Variants in FRMD3 observed in about 807,000 individuals in gnomAD.
FRMD3 encodes FERM domain-containing protein 3.
In FRMD3, 33 loss-of-function variants were observed where a neutral mutation model predicts 70.2. The ratio of observed to expected loss-of-function variants is 0.47; its 90% CI spans 0.36 to 0.63. The LOEUF is 0.63. Ranked by LOEUF, FRMD3 falls within the 20% of genes least tolerant of loss-of-function variation. The probability of loss-of-function intolerance (pLI) is 0.00; values close to 1 mark genes in which losing one functional copy is unlikely to be tolerated. For synonymous variants in FRMD3, 279 were observed against 255.9 expected, an observed-to-expected ratio of 1.09 and a Z score of -0.86; for missense variants, 632 against 711.4, an observed-to-expected ratio of 0.89 and a Z score of 1.27.
intron 1 of FRMD3, among the ~76,000 whole-genome samples, chr9:83,474,503 T>A (rs1828347424): frequency 6.6e-6 from 1 of 152,084 alleles, no homozygotes; most frequent in Admixed American, 6.6e-5. Flanking sequence ...CAAACAATGA[T>A]CTCTCACCTG....
chr9:83,337,148 T>C (rs3860900), intron 5 of FRMD3, among the ~76,000 whole-genome samples: 144,757 of 152,252 alleles, frequency 0.95, 68,880 homozygotes, highest in East Asian at 1. Flanking sequence ...ACAGCCCCTA[T>C]AATAACCTGT....
intron 1 of FRMD3, among the ~76,000 whole-genome samples, chr9:83,421,967 G>C (rs1240141270): frequency 6.6e-6 from 1 of 152,206 alleles, no homozygotes; most frequent in Non-Finnish European, 1.5e-5. Flanking sequence ...GCTCACGCCT[G>C]TAATCCCAGC....
At chr9:83,526,796 T>A (rs1164131007) in intron 1 of FRMD3, among the ~76,000 whole-genome samples, 1 of 152,236 alleles carries the variant, frequency 6.6e-6, no homozygotes, top group South Asian at 2.1e-4. Flanking sequence ...AGATTGATGA[T>A]GTTTCAAACA....
intron 2 of FRMD3, among the ~76,000 whole-genome samples, chr9:83,382,451 G>A (rs1180697994): frequency 5.3e-5 from 8 of 152,270 alleles, no homozygotes; most frequent in African/African-American, 1.9e-4. Flanking sequence ...TGCATAAGTA[G>A]TATTAGTATC....
At chr9:83,555,231 A>C in the FRMD3 span, among the ~76,000 whole-genome samples, 2 of 151,950 alleles carry the variant, frequency 1.3e-5, no homozygotes, top group Admixed American at 1.3e-4. Context: ...TAAGTCACTC[A>C]AACAGCAAAG....
chr9:83,250,869 T>C (rs1832379235), intron 13 of FRMD3, among the ~76,000 whole-genome samples: 1 of 152,194 alleles, frequency 6.6e-6, no homozygotes, highest in Non-Finnish European at 1.5e-5. Flanking sequence ...CTCCCTGAGA[T>C]GGAGCTCCCA....
In FRMD3 at chr9:83,537,948, A is replaced by G; in HGVS notation, c.147+137T>C. The G allele has an allele frequency of 1.0e-6, 1 of 963,742 alleles. No homozygotes were observed. Among genetic ancestry groups the G allele is most frequent in the Non-Finnish European group, 1.5e-6 (1 of 656,514 alleles). 59.7% of individuals were successfully genotyped at this position (963,742 alleles called of 1,614,324 possible). A position where few individuals can be genotyped will look rare whatever the true frequency, so the allele number is the denominator to read the frequency against. On this transcript the variant is annotated intron_variant, in intron 1 of 13. Coordinates refer to ENST00000304195, the MANE Select transcript of FRMD3 (RefSeq NM_174938.6). This position sits in a 1 kb window ranked among gnomAD's most constrained non-coding sequence, Gnocchi z 4.1. ...AAGGCCCCCCACCCTCAGAGGCCTG[A>G]GGAATCGAAATCTGGCTTTCTAGCA... is the stretch of plus-strand genomic sequence containing the variant.
At chr9:83,515,555 A>G (rs1025567531) in intron 1 of FRMD3, among the ~76,000 whole-genome samples, 1 of 152,258 alleles carries the variant, frequency 6.6e-6, no homozygotes, top group African/African-American at 2.4e-5. Context: ...TCAGGATATT[A>G]TCCAGGAGAA....
chr9:83,243,013 T>G (rs1288846868), downstream of FRMD3: 4 of 612,412 alleles, frequency 6.5e-6, no homozygotes, highest in East Asian at 1.1e-4. Flanking sequence ...GCAGCTTTAT[T>G]AATGGATTGG....
rs780418070 is a variant in FRMD3 at position 83,389,716 on chromosome 9, G to A, written c.148-8C>T. The A allele has an allele frequency of 1.8e-5, 29 of 1,602,382 alleles. No individual in the cohort carries two copies. ...CTGCCCTTTGGTTTCCCTCTGCAAAGGAAGCACATTTAAGTCTCAGCCAGA... is the reference window on the plus strand; with the variant it reads ...CTGCCCTTTGGTTTCCCTCTGCAAAAGAAGCACATTTAAGTCTCAGCCAGA... On this transcript the variant is annotated splice_polypyrimidine_tract_variant and splice_region_variant and intron_variant, in intron 1 of 13. Coordinates refer to ENST00000304195, the MANE Select transcript of FRMD3 (RefSeq NM_174938.6).
intron 1 of FRMD3, among the ~76,000 whole-genome samples, chr9:83,427,986 T>A (rs1485036311): frequency 1.3e-5 from 2 of 152,204 alleles, no homozygotes; most frequent in African/African-American, 2.4e-5. Flanking sequence ...AAACAACTTG[T>A]CATTACCTAG....
At chr9:83,453,045 G>A (rs557344381) in intron 1 of FRMD3, among the ~76,000 whole-genome samples, 3 of 151,564 alleles carry the variant, frequency 2.0e-5, no homozygotes, top group Admixed American at 6.6e-5. Context: ...TAGTAGACAC[G>A]GGGTTTCGCC....
At chr9:83,252,215 T>C (rs1367216368) in intron 13 of FRMD3, among the ~76,000 whole-genome samples, 2 of 150,114 alleles carry the variant, frequency 1.3e-5, no homozygotes, top group African/African-American at 5.1e-5. Context: ...GGGGCCAATA[T>C]TCAACATTCT....
At chr9:83,442,377 C>A (rs954322868) in intron 1 of FRMD3, among the ~76,000 whole-genome samples, 15 of 151,534 alleles carry the variant, frequency 9.9e-5, no homozygotes, top group Non-Finnish European at 1.9e-4. Context: ...CCTGCCTCAG[C>A]CTCCCAAGTA....
intron 1 of FRMD3, chr9:83,467,491 A>G (rs192677243): frequency 2.7e-6 from 2 of 733,308 alleles, no homozygotes; most frequent in Admixed American, 4.2e-5. Context: ...ACCCTCCCGA[A>G]TTTCACATCC....
At chr9:83,293,655 C>T (rs185804745) in intron 12 of FRMD3, among the ~76,000 whole-genome samples, 24 of 152,312 alleles carry the variant, frequency 1.6e-4, no homozygotes, top group African/African-American at 5.1e-4. Flanking sequence ...AGGCTGATAT[C>T]CCAGGTATGA....
At chr9:83,426,668 A>C (rs1037809554) in intron 1 of FRMD3, among the ~76,000 whole-genome samples, 3 of 152,232 alleles carry the variant, frequency 2.0e-5, no homozygotes, top group African/African-American at 7.2e-5. Context: ...CAGAAGCAAA[A>C]TGACCGGTGT....
intron 12 of FRMD3, among the ~76,000 whole-genome samples, chr9:83,291,873 A>C (rs908220418): frequency 1.3e-5 from 2 of 152,094 alleles, no homozygotes; most frequent in African/African-American, 4.8e-5. Context: ...TTCTAGCCTG[A>C]GTGTTTCTGT....
At chr9:83,520,970 C>CAAAAAAAAAA (rs144061788) in intron 1 of FRMD3, among the ~76,000 whole-genome samples, 429 of 54,848 alleles carry the variant, frequency 7.8e-3, no homozygotes, top group Middle Eastern at 0.016. Context: ...ACTAAAAATA[C>CAAAAAAAAAA]AAAAAAAAAA....
Sources: allele counts gnomAD v4.1 joint callset (sites outside exome capture counted in the v4.1 genomes callset), GRCh38; gene constraint gnomAD v4.1.1; non-coding constraint Gnocchi (gnomAD v3.1); transcripts MANE v1.5; gene names NCBI Gene and HGNC (gene_info 2026-07-23, HGNC 2026-07-21).